The following TAX1BP1 variants were observed in gnomAD, a reference collection of about 807,000 sequenced individuals.
The protein encoded by TAX1BP1 is Tax1 binding protein 1.
Under a neutral mutation model 97.7 loss-of-function variants are expected in TAX1BP1, and 62 were observed. The observed-to-expected ratio is 0.63, with a 90% CI of 0.52 to 0.78. The LOEUF is 0.78. Ranked by LOEUF, TAX1BP1 falls within the 30% of genes least tolerant of loss-of-function variation. TAX1BP1 has a pLI of 0.00. For missense variants in TAX1BP1, 867 were observed against 916.1 expected (o/e 0.95, Z 0.69); for synonymous variants, 340 against 304.2 (o/e 1.12, Z -1.23).
intron 1 of TAX1BP1, among the ~76,000 whole-genome samples, chr7:27,744,283 G>C (rs918320697): frequency 1.3e-5 from 2 of 151,836 alleles, no homozygotes; most frequent in Admixed American, 6.6e-5. Flanking sequence ...CTGCCACCTC[G>C]CCCGGCTAAT....
At chr7:27,787,828 T>A (rs1457372297) in intron 8 of TAX1BP1, among the ~76,000 whole-genome samples, 1 of 152,070 alleles carries the variant, frequency 6.6e-6, no homozygotes, top group Non-Finnish European at 1.5e-5. Context: ...GCGATGTGAG[T>A]TGCAAGTATT....
chr7:27,787,356 A>C, intron 7 of TAX1BP1, 62 bp from the exon 8 acceptor site: 1 of 1,383,016 alleles, frequency 7.2e-7, no homozygotes, highest in South Asian at 1.6e-5. Context: ...TGGTATTTTA[A>C]ACTTTGACTA....
chr7:27,753,041 T>C (rs1203838693), intron 2 of TAX1BP1, among the ~76,000 whole-genome samples: 1 of 152,238 alleles, frequency 6.6e-6, no homozygotes, highest in Non-Finnish European at 1.5e-5. Flanking sequence ...GGCTCACGCC[T>C]GTAATCCCAG....
At chr7:27,749,448 TTTTAG>T (rs1787944404) in intron 2 of TAX1BP1, among the ~76,000 whole-genome samples, 1 of 152,348 alleles carries the variant, frequency 6.6e-6, no homozygotes, top group South Asian at 2.1e-4. Flanking sequence ...GTTTGTTTTA[TTTTAG>T]TTAAGATTTT....
intron 15 of TAX1BP1, among the ~76,000 whole-genome samples, chr7:27,821,124 G>A (rs1222919375): frequency 1.3e-5 from 2 of 152,104 alleles, no homozygotes; most frequent in African/African-American, 4.8e-5. Context: ...AATCTTTGCT[G>A]TTCCATTTAA....
At position 27,829,717 on chromosome 7, in the gene TAX1BP1, A is replaced by AGAACT. The variant is rs1782633253; in HGVS notation, c.*890_*894dup. ...TTCTTCAGTTATGTCTGTGCTGTATAGAACTGTCACTAACATTAAAGAAAG... is the reference window on the plus strand; with the variant it reads ...TTCTTCAGTTATGTCTGTGCTGTATAGAACTGAACTGTCACTAACATTAAAGAAAG... On this transcript the variant is annotated 3_prime_UTR_variant, in exon 17 of 17. Coordinates refer to ENST00000396319, the MANE Select transcript of TAX1BP1 (RefSeq NM_006024.7). The AGAACT allele has an allele frequency of 6.6e-6, 1 of 152,210 alleles. No homozygotes were observed. The highest frequency in any genetic ancestry group is 2.4e-5 in the African/African-American group (1 of 41,464). The allele number at this position is 152,210 out of a possible 1,614,324, so 9.4% of individuals were successfully genotyped here. A position where few individuals can be genotyped will look rare whatever the true frequency, so the allele number is the denominator to read the frequency against.
intron 15 of TAX1BP1, among the ~76,000 whole-genome samples, chr7:27,822,973 A>G (rs1791034071): frequency 6.6e-6 from 1 of 152,184 alleles, no homozygotes; most frequent in African/African-American, 2.4e-5. Context: ...AGCAAAGTAA[A>G]GCTTTTGAAA....
intron 3 of TAX1BP1, among the ~76,000 whole-genome samples, chr7:27,761,481 C>G (rs1788423214): frequency 6.6e-6 from 1 of 152,164 alleles, no homozygotes; most frequent in South Asian, 2.1e-4. Context: ...TGTGTCCCAC[C>G]AACTCATCTC....
chr7:27,748,726 T>G (rs1014515090), intron 2 of TAX1BP1, 40 bp downstream of exon 2: 15 of 1,427,792 alleles, frequency 1.1e-5, no homozygotes, highest in African/African-American at 1.4e-5. Flanking sequence ...TGTAAACACT[T>G]AAAATTTTCT....
chr7:27,748,423 A>G, intron 1 of TAX1BP1, 95 bp from the exon 2 acceptor site: 1 of 850,804 alleles, frequency 1.2e-6, no homozygotes. Flanking sequence ...ACATGCAAAT[A>G]TTCATGAAAC....
At chr7:27,789,419 T>C (rs73075305) in intron 8 of TAX1BP1, among the ~76,000 whole-genome samples, 12,497 of 151,996 alleles carry the variant, frequency 0.082, 659 homozygotes, top group South Asian at 0.12. Flanking sequence ...TAAACCCTTT[T>C]CTTACCTATG....
intron 8 of TAX1BP1, 75 bp from the exon 9 acceptor site, chr7:27,791,931 T>C (rs896673123): frequency 3.5e-6 from 5 of 1,430,810 alleles, no homozygotes; most frequent in East Asian, 4.7e-5. Context: ...TGTTGAAATA[T>C]GTGCGAAAAT....
Position 27,769,824 on chromosome 7 carries a change from C to G in TAX1BP1, c.602C>G (p.Ala201Gly). 1 of 1,611,846 alleles carries G rather than the reference C, an allele frequency of 6.2e-7. No individual in the cohort carries two copies. Among genetic ancestry groups the G allele is most frequent in the Non-Finnish European group, 8.5e-7 (1 of 1,178,612 alleles). ...HEKERCDQLQ[A>G]EQKGLTEVTQ... ...AAAGAAAGATGTGACCAACTGCAAG[C>G]AGAACAAAAGGTTAGTTGTGTCTTA... The change falls in exon 5 of 17, where the codon GCA becomes GGA. Residue 201 changes from alanine (A) to glycine (G), a missense_variant. Physicochemically the swap from Ala to Gly is moderately conservative, Grantham distance 60. This residue lies in a region of TAX1BP1 where 822 missense variants were observed against 851.4 expected (regional missense o/e 0.97). Transcript: ENST00000396319.
intron 13 of TAX1BP1, among the ~76,000 whole-genome samples, chr7:27,808,572 A>G (rs1457693614): frequency 2.6e-5 from 4 of 152,172 alleles, no homozygotes; most frequent in African/African-American, 4.8e-5. Context: ...GAACATTCCC[A>G]TGATGGCAGA....
chr7:27,795,846 C>T (rs1036116083), intron 11 of TAX1BP1, among the ~76,000 whole-genome samples: 20 of 152,252 alleles, frequency 1.3e-4, no homozygotes, highest in African/African-American at 4.1e-4. Flanking sequence ...CCACCGTGCC[C>T]GGCCGCTTTT....
chr7:27,751,853 A>G (rs372756844), intron 2 of TAX1BP1, among the ~76,000 whole-genome samples: 1 of 152,036 alleles, frequency 6.6e-6, no homozygotes, highest in African/African-American at 2.4e-5. Flanking sequence ...GGGTTTTGCC[A>G]TGTTGCCCGG....
intron 2 of TAX1BP1, among the ~76,000 whole-genome samples, chr7:27,750,386 T>G (rs1440967908): frequency 6.6e-6 from 1 of 152,196 alleles, no homozygotes; most frequent in Admixed American, 6.5e-5. Flanking sequence ...GTAGGTATAA[T>G]GCAAATACTC....
chr7:27,804,884 G>A (rs6462050), intron 13 of TAX1BP1, among the ~76,000 whole-genome samples: 30,547 of 152,068 alleles, frequency 0.2, 3,205 homozygotes, highest in Admixed American at 0.26. Context: ...CAGCTGTGTA[G>A]TACTTCATTA....
At chr7:27,811,768 T>C (rs1024621751) in intron 13 of TAX1BP1, among the ~76,000 whole-genome samples, 1 of 152,150 alleles carries the variant, frequency 6.6e-6, no homozygotes, top group African/African-American at 2.4e-5. Flanking sequence ...CGTCCCCTCC[T>C]GCTACCCCCC....
Sources: gnomAD v4.1 joint callset for allele counts (sites outside exome capture counted in the v4.1 genomes callset) on GRCh38, gnomAD v4.1.1 for gene constraint, gnomAD v4.1.1 regional missense constraint, MANE v1.5 for transcripts, NCBI Gene and HGNC (gene_info 2026-07-23, HGNC 2026-07-21) for gene names.